Variants in STAG1 observed in about 807,000 individuals in gnomAD.
STAG1 encodes cohesin subunit SA-1.
Under a neutral mutation model 170.9 loss-of-function variants are expected in STAG1, and 26 were observed. The observed-to-expected ratio is 0.15, with a 90% CI of 0.11 to 0.21. The LOEUF (loss-of-function observed/expected upper bound fraction) is 0.21. STAG1 is among the 10% of genes least tolerant of loss of function. The pLI, the probability that STAG1 is intolerant of heterozygous loss-of-function variation, is 1.00. For synonymous variants in STAG1, 514 were observed against 497.7 expected (o/e 1.03, Z -0.44); for missense variants, 964 against 1,509.5 (o/e 0.64, Z 5.99).
At chr3:136,693,600 G>A (rs1942792301) in intron 1 of STAG1, among the ~76,000 whole-genome samples, 1 of 152,142 alleles carries the variant, frequency 6.6e-6, no homozygotes, top group South Asian at 2.1e-4. Context: ...ATTGTTTTCT[G>A]TGGGTGAATT....
intron 23 of STAG1, 135 bp downstream of exon 23, chr3:136,377,525 C>T: frequency 4.8e-6 from 3 of 621,868 alleles, no homozygotes; most frequent in Admixed American, 2.8e-5. Context: ...CACACATCTA[C>T]AGTCTTGTTC....
chr3:136,462,267 T>C (rs2089295935), intron 13 of STAG1, among the ~76,000 whole-genome samples: 1 of 152,152 alleles, frequency 6.6e-6, no homozygotes, highest in African/African-American at 2.4e-5. Context: ...GCACTATTCA[T>C]AGTAGTGATA....
At chr3:136,596,747 C>G (rs1183081222) in intron 4 of STAG1, among the ~76,000 whole-genome samples, 1 of 152,044 alleles carries the variant, frequency 6.6e-6, no homozygotes, top group Admixed American at 6.6e-5. Flanking sequence ...GTACTGGTAC[C>G]TAGAATTCTA....
chr3:136,652,407 G>A (rs1941248850), intron 1 of STAG1, among the ~76,000 whole-genome samples: 1 of 152,120 alleles, frequency 6.6e-6, no homozygotes, highest in African/African-American at 2.4e-5. Flanking sequence ...ATAATACTTA[G>A]GCAGGATAAA....
chr3:136,540,667 C>CA (rs1935845167), intron 6 of STAG1, among the ~76,000 whole-genome samples: 1 of 151,174 alleles, frequency 6.6e-6, no homozygotes, highest in Admixed American at 6.6e-5. Context: ...ACTAGTAATA[C>CA]AAAAATTAGC....
intron 1 of STAG1, chr3:136,737,241 G>A: frequency 1.6e-6 from 1 of 630,160 alleles, no homozygotes; most frequent in South Asian, 1.4e-5. Context: ...CCCCAGCCCA[G>A]CCACCACGTG....
chr3:136,470,216 A>C (rs1421839055), intron 12 of STAG1, among the ~76,000 whole-genome samples: 3 of 152,244 alleles, frequency 2.0e-5, no homozygotes, highest in East Asian at 1.9e-4. Flanking sequence ...GAATGGGAGA[A>C]AATTTTCACA....
rs546552313 is a variant in STAG1, at chr3:136,564,963, G to GAGGAAGGAAGGAAGGAAGGA, written c.394+3782_394+3801dup. Among the ~76,000 whole-genome samples the GAGGAAGGAAGGAAGGAAGGA allele has an allele frequency of 5.1e-3, 192 of 37,716 alleles. 12 individuals are homozygous for GAGGAAGGAAGGAAGGAAGGA. Among genetic ancestry groups the GAGGAAGGAAGGAAGGAAGGA allele is most frequent in the African/African-American group, 9.3e-3 (101 of 10,886 alleles). 24.7% of individuals were successfully genotyped at this position (37,716 alleles called of 152,430 possible). Reference sequence around the variant, plus strand: ...GGATCCTTAAATTTGACATGTGTATGAGGAAGGAAGGAAGGAAGGAAGGAA... The same window carrying GAGGAAGGAAGGAAGGAAGGA: ...GGATCCTTAAATTTGACATGTGTATGAGGAAGGAAGGAAGGAAGGAAGGAAGGAAGGAAGGAAGGAAGGAA... On this transcript the variant is annotated intron_variant, in intron 5 of 33. Transcript: ENST00000383202.
At chr3:136,365,101 T>C (rs527346447) in intron 25 of STAG1, among the ~76,000 whole-genome samples, 11 of 152,270 alleles carry the variant, frequency 7.2e-5, no homozygotes, top group South Asian at 6.2e-4. Flanking sequence ...CTATAGTGAA[T>C]AGAAGTGTCC....
At chr3:136,412,787 A>G (rs2087662279) in intron 21 of STAG1, among the ~76,000 whole-genome samples, 1 of 152,160 alleles carries the variant, frequency 6.6e-6, no homozygotes, top group African/African-American at 2.4e-5. Context: ...TGTAACAACT[A>G]AATGCAATGC....
intron 21 of STAG1, among the ~76,000 whole-genome samples, chr3:136,408,020 T>G (rs1001315376): frequency 8.5e-5 from 13 of 152,324 alleles, no homozygotes; most frequent in African/African-American, 2.9e-4. Flanking sequence ...TAGTTTCTTA[T>G]GAAACATCCA....
chr3:136,717,161 T>G (rs1269217906), intron 1 of STAG1, among the ~76,000 whole-genome samples: 2 of 149,802 alleles, frequency 1.3e-5, no homozygotes, highest in East Asian at 4.0e-4. Context: ...CAACACCTAT[T>G]CCCACCACCA....
Position 136,421,124 on chromosome 3 carries a change from A to C in STAG1, c.2077T>G (p.Ser693Ala), listed in dbSNP as rs1296664528. ...AAAGAAGTTAACCGCTTTAATGTAG[A>C]AAGAACATTGTAAATGTCATCATCA... ...ADDDDIYNVL[S>A]TLKRLTSFHN... The change falls in exon 20 of 34, where the codon TCT becomes GCT. Residue 693 changes from serine (S) to alanine (A), a missense_variant. Ser to Ala is a moderately conservative substitution (Grantham distance 99). This residue lies in a region of STAG1 where 232 missense variants were observed against 313.0 expected (regional missense o/e 0.74). Coordinates refer to ENST00000383202, the MANE Select transcript of STAG1 (RefSeq NM_005862.3). 2 of 1,607,590 alleles carry C rather than the reference A, an allele frequency of 1.2e-6. No individual in the cohort carries two copies. The highest frequency in any genetic ancestry group is 1.7e-6 in the Non-Finnish European group (2 of 1,177,246).
chr3:136,630,650 T>C (rs1940297077), intron 2 of STAG1, among the ~76,000 whole-genome samples: 1 of 152,230 alleles, frequency 6.6e-6, no homozygotes, highest in Non-Finnish European at 1.5e-5. Context: ...ATTAACATCT[T>C]TTTTGTTGAA....
At chr3:136,702,341 G>A (rs1396444979) in intron 1 of STAG1, among the ~76,000 whole-genome samples, 3 of 152,052 alleles carry the variant, frequency 2.0e-5, no homozygotes, top group African/African-American at 7.2e-5. Context: ...AAATTACTAA[G>A]TTAAATCCAC....
At chr3:136,535,798 A>C (rs1259529838) in intron 6 of STAG1, among the ~76,000 whole-genome samples, 1 of 152,198 alleles carries the variant, frequency 6.6e-6, no homozygotes, top group Non-Finnish European at 1.5e-5. Flanking sequence ...CATTCTATGC[A>C]TGTAAAAATA....
intron 1 of STAG1, among the ~76,000 whole-genome samples, chr3:136,716,996 CATT>C (rs1378204274): frequency 2.0e-5 from 3 of 152,240 alleles, no homozygotes; most frequent in Non-Finnish European, 2.9e-5. Context: ...ATACCACCAT[CATT>C]GTCACAGGGA....
At chr3:136,539,824 T>C (rs983641224) in intron 6 of STAG1, among the ~76,000 whole-genome samples, 1 of 152,210 alleles carries the variant, frequency 6.6e-6, no homozygotes. Flanking sequence ...TAACAAAGAA[T>C]AGGAACCAAA....
chr3:136,745,915 T>C (rs1301287041), intron 1 of STAG1, among the ~76,000 whole-genome samples: 1 of 152,236 alleles, frequency 6.6e-6, no homozygotes, highest in Non-Finnish European at 1.5e-5. Flanking sequence ...CATTCTGGGC[T>C]GCATGCAGCC....
Sources: allele counts gnomAD v4.1 joint callset (sites outside exome capture counted in the v4.1 genomes callset), GRCh38; gene constraint gnomAD v4.1.1; regional missense constraint gnomAD v4.1.1; transcripts MANE v1.5; gene names NCBI Gene and HGNC (gene_info 2026-07-23, HGNC 2026-07-21).